The following UTP20 variants were observed in gnomAD, a reference collection of about 807,000 sequenced individuals.
UTP20 encodes UTP20 small subunit processome component.
UTP20 carries 164 observed loss-of-function variants against 329.5 expected under a neutral mutation model. That is an observed-to-expected ratio of 0.50 (90% CI 0.44 to 0.57). UTP20 has a LOEUF of 0.57. Ranked by LOEUF, UTP20 falls within the 20% of genes least tolerant of loss-of-function variation. The pLI is 0.00. For missense variants in UTP20, 3,055 were observed against 3,284.2 expected, an observed-to-expected ratio of 0.93 and a Z score of 1.71; for synonymous variants, 1,151 against 1,159.3, an observed-to-expected ratio of 0.99 and a Z score of 0.14.
At chr12:101,368,125 G>A (rs1169315117) in intron 48 of UTP20, 149 bp downstream of exon 48, 1 of 596,702 alleles carries the variant, frequency 1.7e-6, no homozygotes, top group East Asian at 2.8e-5. Context: ...GGGGTTTTTG[G>A]GTTTTTTTTT....
intron 28 of UTP20, 135 bp downstream of exon 28, chr12:101,333,579 G>T (rs898699193): frequency 8.7e-7 from 1 of 1,154,330 alleles, no homozygotes; most frequent in Non-Finnish European, 1.2e-6. Context: ...CTTTCTGGAA[G>T]TTTTTAGAAC....
Position 101,295,591 on chromosome 12 carries a change from G to T in UTP20, c.1363G>T (p.Ala455Ser). Residue 455 changes from alanine (A) to serine (S), a missense_variant, in exon 12 of 62, where the codon GCA becomes TCA. Coordinates refer to ENST00000261637, the MANE Select transcript of UTP20 (RefSeq NM_014503.3). ...ILAKLILNKA[A>S]PPTAGSMAIE... ...GGCCAAGCTCATTCTGAACAAAGCA[G>T]CACCTCCCACTGCTGGCTCGATGGC... 6.2e-7 allele frequency: 1 copy of T among 1,613,540 alleles called. No homozygotes were observed. The highest frequency in any genetic ancestry group is 8.5e-7 in the Non-Finnish European group (1 of 1,179,776).
At chr12:101,308,826 G>C (rs1017668126) in intron 18 of UTP20, among the ~76,000 whole-genome samples, 1 of 151,442 alleles carries the variant, frequency 6.6e-6, no homozygotes, top group Non-Finnish European at 1.5e-5. Context: ...TCAGCCTCCC[G>C]GGTTCACACC....
At chr12:101,332,198 G>A (rs192402960) in intron 27 of UTP20, among the ~76,000 whole-genome samples, 49 of 152,236 alleles carry the variant, frequency 3.2e-4, no homozygotes, top group South Asian at 1.2e-3. Flanking sequence ...TGAACGGGGC[G>A]TGGTGGTGCA....
At chr12:101,373,069 C>A in intron 52 of UTP20, 106 bp downstream of exon 52, 1 of 923,390 alleles carries the variant, frequency 1.1e-6, no homozygotes, top group Non-Finnish European at 1.7e-6. Context: ...ATGGTACATT[C>A]TCTGAGCATA....
At chr12:101,329,577 C>T in intron 27 of UTP20, 128 bp downstream of exon 27, 2 of 876,524 alleles carry the variant, frequency 2.3e-6, no homozygotes, top group Non-Finnish European at 3.4e-6. Context: ...AGAACAAAGC[C>T]CAAAATTGTA....
intron 18 of UTP20, among the ~76,000 whole-genome samples, chr12:101,309,514 A>C (rs1462817187): frequency 6.6e-6 from 1 of 152,214 alleles, no homozygotes; most frequent in East Asian, 1.9e-4. Flanking sequence ...ATGAATGAAT[A>C]CCTGGAGTGA....
intron 17 of UTP20, 72 bp downstream of exon 17, chr12:101,306,833 A>T (rs1187314445): frequency 7.2e-7 from 1 of 1,398,120 alleles, no homozygotes; most frequent in African/African-American, 1.5e-5. Flanking sequence ...TTCCAAAATG[A>T]TACCTTTGCA....
chr12:101,281,241 T>C, intron 2 of UTP20, 45 bp downstream of exon 2: 1 of 1,522,296 alleles, frequency 6.6e-7, no homozygotes, highest in Non-Finnish European at 9.1e-7. Flanking sequence ...TTCATGGTGT[T>C]TTAGTTTCTT....
At chr12:101,297,975 T>TA (rs1193450748) in intron 12 of UTP20, among the ~76,000 whole-genome samples, 1 of 152,200 alleles carries the variant, frequency 6.6e-6, no homozygotes, top group Admixed American at 6.5e-5. Context: ...CCAACGGAGA[T>TA]ATGGTATGTG....
intron 5 of UTP20, among the ~76,000 whole-genome samples, chr12:101,288,233 C>G (rs1256093795): frequency 6.6e-6 from 1 of 152,134 alleles, no homozygotes; most frequent in Non-Finnish European, 1.5e-5. Flanking sequence ...TTATTAGTAC[C>G]TGCTGTCAGC....
intron 54 of UTP20, among the ~76,000 whole-genome samples, chr12:101,374,386 G>T (rs142658373): frequency 6.6e-6 from 1 of 151,784 alleles, no homozygotes; most frequent in Non-Finnish European, 1.5e-5. Context: ...TTGCATATTC[G>T]ATTACTGAAA....
intron 52 of UTP20, 103 bp downstream of exon 52, chr12:101,373,066 A>C (rs1870345480): frequency 1.0e-6 from 1 of 952,552 alleles, no homozygotes; most frequent in African/African-American, 1.6e-5. Flanking sequence ...ATAATGGTAC[A>C]TTCTCTGAGC....
intron 31 of UTP20, among the ~76,000 whole-genome samples, chr12:101,339,340 A>T (rs867142355): frequency 7.9e-4 from 120 of 152,108 alleles, no homozygotes; most frequent in African/African-American, 1.8e-3. Context: ...AAATAAATTT[A>T]AAAAAAATTA....
In UTP20 at chr12:101,373,689, G is replaced by C. The variant is rs746583770; in HGVS notation, c.7053G>C (p.Lys2351Asn). ...TCKKMASMTI[K>N]SLLGKISLEK... ...AAAAGATGGCATCCATGACAATCAAGTCCCTACTTGGTAAAATCAGCCTCG... is the reference window on the plus strand; with the variant it reads ...AAAAGATGGCATCCATGACAATCAACTCCCTACTTGGTAAAATCAGCCTCG... The change falls in exon 54 of 62, where the codon AAG becomes AAC. Residue 2351 changes from lysine to asparagine, a missense_variant. This residue lies in a region of UTP20 where 273 missense variants were observed against 363.1 expected (regional missense o/e 0.75). Transcript: ENST00000261637. 1 of 1,612,928 alleles carries C rather than the reference G, an allele frequency of 6.2e-7. No individual in the cohort carries two copies. Among genetic ancestry groups the C allele is most frequent in the Admixed American group, 1.7e-5 (1 of 59,558 alleles).
At chr12:101,375,934 G>A (rs1319955150) in intron 56 of UTP20, among the ~76,000 whole-genome samples, 178 bp downstream of exon 56, 1 of 148,328 alleles carries the variant, frequency 6.7e-6, no homozygotes, top group African/African-American at 2.5e-5. Flanking sequence ...GTTCCCTTCT[G>A]AAAAAAAAAC....
At chr12:101,362,441 T>C (rs1173272248) in intron 44 of UTP20, among the ~76,000 whole-genome samples, 4 of 152,156 alleles carry the variant, frequency 2.6e-5, no homozygotes, top group African/African-American at 4.8e-5. Context: ...CTGTGGCTCA[T>C]GCCTGTAAAC....
intron 57 of UTP20, among the ~76,000 whole-genome samples, chr12:101,380,040 TA>T (rs1870592234): frequency 6.6e-6 from 1 of 152,134 alleles, no homozygotes. Context: ...TCTTGCCTCC[TA>T]ATAACCTTGT....
Position 101,369,873 on chromosome 12 carries a change from T to G in UTP20, c.6537T>G (p.Leu2179=), listed in dbSNP as rs1164460768. ...LGAARGQNFH[L]VVNCFKCVTI... ...CCGCCAGGGGCCAGAACTTCCACCTTGTGGTCAATTGTTTCAAGGTGAGAT... is the reference window on the plus strand; with the variant it reads ...CCGCCAGGGGCCAGAACTTCCACCTGGTGGTCAATTGTTTCAAGGTGAGAT... The change falls in exon 49 of 62, where the codon CTT becomes CTG. Residue 2179 remains leucine (L), a synonymous_variant. Coordinates refer to ENST00000261637, the MANE Select transcript of UTP20 (RefSeq NM_014503.3). 2 of 1,613,748 alleles carry G rather than the reference T, an allele frequency of 1.2e-6. No individual in the cohort carries two copies. The highest frequency in any genetic ancestry group is 1.7e-6 in the Non-Finnish European group (2 of 1,179,846).
Sources: gnomAD v4.1 joint callset for allele counts (sites outside exome capture counted in the v4.1 genomes callset) on GRCh38, gnomAD v4.1.1 for gene constraint, gnomAD v4.1.1 regional missense constraint, MANE v1.5 for transcripts, NCBI Gene and HGNC (gene_info 2026-07-23, HGNC 2026-07-21) for gene names.